Variants in INPP4A observed in about 807,000 individuals in gnomAD.
INPP4A encodes the protein inositol polyphosphate-4-phosphatase, type I, 107kD.
Under a neutral mutation model 119.8 loss-of-function variants are expected in INPP4A, and 33 were observed. The ratio of observed to expected loss-of-function variants is 0.28; its 90% confidence interval spans 0.21 to 0.37. The LOEUF (loss-of-function observed/expected upper bound fraction) is 0.37. Ranked by LOEUF, INPP4A falls within the 10% of genes least tolerant of loss-of-function variation. The pLI is 1.00. For synonymous variants in INPP4A, 496 were observed against 500.7 expected (o/e 0.99, Z 0.12); for missense variants, 956 against 1,289.9 (o/e 0.74, Z 3.97).
intron 1 of INPP4A, among the ~76,000 whole-genome samples, chr2:98,518,263 G>A (rs1360415149): frequency 6.6e-6 from 1 of 152,232 alleles, no homozygotes; most frequent in Non-Finnish European, 1.5e-5. Context: ...CCAGGCCACT[G>A]CCGTGTCTGC....
chr2:98,472,394 G>T (rs1313435565), intron 1 of INPP4A, among the ~76,000 whole-genome samples: 1 of 152,234 alleles, frequency 6.6e-6, no homozygotes, highest in Non-Finnish European at 1.5e-5. Flanking sequence ...TCTCTTGGCT[G>T]CCCTGGATGG....
At chr2:98,551,852 G>C (rs775180367) in intron 13 of INPP4A, among the ~76,000 whole-genome samples, 1 of 152,206 alleles carries the variant, frequency 6.6e-6, no homozygotes, top group African/African-American at 2.4e-5. Context: ...AGCTTCCTCA[G>C]ATGGTCTGAA....
intron 1 of INPP4A, among the ~76,000 whole-genome samples, chr2:98,475,940 C>A (rs1432297719): frequency 6.6e-6 from 1 of 152,110 alleles, no homozygotes; most frequent in East Asian, 1.9e-4. Context: ...ATTTTTTTAT[C>A]AAGGCTAATC....
chr2:98,476,872 A>G (rs762054925), intron 1 of INPP4A, among the ~76,000 whole-genome samples: 5 of 152,148 alleles, frequency 3.3e-5, no homozygotes, highest in African/African-American at 7.2e-5. Flanking sequence ...GTTTGCCGTT[A>G]TAAGTGTTCC....
intron 1 of INPP4A, among the ~76,000 whole-genome samples, chr2:98,488,935 CTGTGTGTGTGTGTGTGTGTGTGTGTGTG>C (rs55758146): frequency 3.2e-5 from 4 of 126,028 alleles, no homozygotes; most frequent in Non-Finnish European, 6.8e-5. Context: ...AGTACATGCA[CTGTGTGTGTGTGTGTGTGTGTGTGTGTG>C]TGTGTGTGTG....
chr2:98,576,964 G>A, intron 23 of INPP4A, 25 bp from the exon 24 acceptor site: 2 of 1,602,472 alleles, frequency 1.2e-6, no homozygotes, highest in Non-Finnish European at 1.7e-6. Context: ...TCGCCTCTAA[G>A]CACGGCCCAT....
At chr2:98,469,146 C>T (rs549802874) in intron 1 of INPP4A, among the ~76,000 whole-genome samples, 2 of 152,262 alleles carry the variant, frequency 1.3e-5, no homozygotes, top group South Asian at 4.1e-4. Context: ...GCCACCTTTC[C>T]CATGAGGTGA....
At position 98,533,397 on chromosome 2, in the gene INPP4A, C is replaced by A; in HGVS notation, c.172C>A (p.Pro58Thr). 6.2e-7 allele frequency: 1 copy of A among 1,612,842 alleles called. No homozygotes were observed. Among genetic ancestry groups the A allele is most frequent in the Non-Finnish European group, 8.5e-7 (1 of 1,179,180 alleles). The part of the protein sequence containing the change: ...FSLACSELHT[P>T]SLDRKPNSFV... ...TGTAGCTTGCAGTGAGCTGCATACTCCATCGCTAGATCGAAAGCCAAATAG... is the reference window on the plus strand; with the variant it reads ...TGTAGCTTGCAGTGAGCTGCATACTACATCGCTAGATCGAAAGCCAAATAG... Residue 58 changes from proline to threonine, a missense_variant, in exon 5 of 25, where the codon CCA becomes ACA. Around this residue, in one of 2 missense-constraint regions of INPP4A, gnomAD observed 652 missense variants for 797.9 expected, o/e 0.82. Transcript: ENST00000409851.
chr2:98,509,698 T>G (rs1262961324), intron 1 of INPP4A, among the ~76,000 whole-genome samples: 3 of 152,220 alleles, frequency 2.0e-5, no homozygotes, highest in African/African-American at 7.2e-5. Flanking sequence ...GACATTGCGC[T>G]TGTGATTATT....
intron 4 of INPP4A, among the ~76,000 whole-genome samples, chr2:98,530,989 C>T (rs1046564274): frequency 9.9e-5 from 15 of 152,164 alleles, no homozygotes; most frequent in African/African-American, 3.1e-4. Context: ...AGATGGACGT[C>T]GTCTTGTTGT....
chr2:98,536,064 C>A lies in INPP4A; in HGVS notation c.388-65C>A, dbSNP rs1013676085. ...AGCAGTCAGCTGGACTCTCTGGGGCCATGGTAATTGCATCAGAAGCAAAGC... is the reference window on the plus strand; with the variant it reads ...AGCAGTCAGCTGGACTCTCTGGGGCAATGGTAATTGCATCAGAAGCAAAGC... On this transcript the variant is annotated intron_variant, in intron 6 of 24. Transcript: ENST00000409851. The A allele has an allele frequency of 1.2e-5, 12 of 1,014,832 alleles. No individual in the cohort carries two copies. In the Middle Eastern group the frequency reaches 8.1e-4, roughly 69 times the overall value. 62.9% of individuals were successfully genotyped at this position (1,014,832 alleles called of 1,614,324 possible).
intron 1 of INPP4A, among the ~76,000 whole-genome samples, chr2:98,473,299 C>T (rs866761941): frequency 1.6e-4 from 4 of 24,746 alleles, no homozygotes; most frequent in Admixed American, 8.8e-4. Context: ...GAGAGTGTGG[C>T]GGGTAGTGCG....
At chr2:98,461,008 G>A (rs1697048423) in intron 1 of INPP4A, among the ~76,000 whole-genome samples, 1 of 152,172 alleles carries the variant, frequency 6.6e-6, no homozygotes, top group Non-Finnish European at 1.5e-5. Context: ...TGAAATAGCT[G>A]GCTGGGCAGC....
intron 4 of INPP4A, among the ~76,000 whole-genome samples, chr2:98,528,928 AT>A (rs1374139787): frequency 6.6e-6 from 1 of 152,096 alleles, no homozygotes; most frequent in Non-Finnish European, 1.5e-5. Context: ...TACAAAAAAA[AT>A]TAGCTGGGCG....
intron 4 of INPP4A, among the ~76,000 whole-genome samples, chr2:98,527,054 A>G (rs377675402): frequency 9.8e-5 from 15 of 152,338 alleles, no homozygotes; most frequent in East Asian, 3.9e-4. Flanking sequence ...GGAGGGGACA[A>G]AACATCCAAA....
In INPP4A at chr2:98,562,944, T is replaced by C. The variant is rs900765974; in HGVS notation, c.1856-521T>C. Reference sequence around the variant, plus strand: ...GTGGGGAATAGTCCTCCTCCAGGTGTGCAGGGGTAAGAATTGAACACAGTT... The same window carrying C: ...GTGGGGAATAGTCCTCCTCCAGGTGCGCAGGGGTAAGAATTGAACACAGTT... On this transcript the variant is annotated intron_variant, in intron 17 of 24. Coordinates refer to ENST00000409851, the MANE Select transcript of INPP4A (RefSeq NM_001134225.2). Among the ~76,000 whole-genome samples the C allele has an allele frequency of 4.6e-5, 7 of 152,240 alleles. No individual in the cohort carries two copies. The South Asian group carries it at 8.3e-4, about 18-fold the overall frequency.
At chr2:98,486,669 A>G (rs1679602871) in intron 1 of INPP4A, among the ~76,000 whole-genome samples, 1 of 152,264 alleles carries the variant, frequency 6.6e-6, no homozygotes, top group Admixed American at 6.5e-5. Context: ...GTCCAGGAGT[A>G]AAATTAATTC....
At chr2:98,489,644 C>T (rs1463977997) in intron 1 of INPP4A, among the ~76,000 whole-genome samples, 2 of 152,172 alleles carry the variant, frequency 1.3e-5, no homozygotes, top group African/African-American at 4.8e-5. Flanking sequence ...CTATGACAGT[C>T]CCATTCTGAG....
At chr2:98,582,566 C>T (rs187960544) in intron 24 of INPP4A, among the ~76,000 whole-genome samples, 7 of 144,778 alleles carry the variant, frequency 4.8e-5, no homozygotes, top group East Asian at 4.2e-4. Flanking sequence ...CTACTCCATA[C>T]GCCAGACACA....
Sources: allele counts gnomAD v4.1 joint callset (sites outside exome capture counted in the v4.1 genomes callset), GRCh38; gene constraint gnomAD v4.1.1; regional missense constraint gnomAD v4.1.1; transcripts MANE v1.5; gene names NCBI Gene and HGNC (gene_info 2026-07-23, HGNC 2026-07-21).